Variants in SCCPDH observed in about 807,000 individuals in gnomAD.
SCCPDH encodes the protein saccharopine dehydrogenase-like oxidoreductase.
Under a neutral mutation model 51.5 loss-of-function variants are expected in SCCPDH, and 34 were observed. That is an observed-to-expected ratio of 0.66 (90% CI 0.50 to 0.88). The LOEUF (loss-of-function observed/expected upper bound fraction) is 0.88, where lower values mean the gene tolerates loss of function less well. SCCPDH is among the 40% of genes least tolerant of loss of function. The probability of loss-of-function intolerance (pLI) is 0.00; values close to 1 mark genes in which losing one functional copy is unlikely to be tolerated. For synonymous variants in SCCPDH, 187 were observed against 191.3 expected (o/e 0.98, Z 0.19); for missense variants, 464 against 527.1 (o/e 0.88, Z 1.17).
At chr1:246,743,890 GCCATAGCTACTTC>G (rs1668717627) in intron 4 of SCCPDH, among the ~76,000 whole-genome samples, 173 bp from the exon 5 acceptor site, 1 of 152,168 alleles carries the variant, frequency 6.6e-6, no homozygotes, top group Non-Finnish European at 1.5e-5. Context: ...GGTTTACCTG[GCCATAGCTACTTC>G]GTAAGTCTGT....
At chr1:246,753,514 G>A (rs1252677894) in intron 5 of SCCPDH, among the ~76,000 whole-genome samples, 1 of 152,044 alleles carries the variant, frequency 6.6e-6, no homozygotes, top group Non-Finnish European at 1.5e-5. Flanking sequence ...TACATAAAAT[G>A]TTTGGGTAAG....
At chr1:246,748,576 T>C (rs563703689) in intron 5 of SCCPDH, among the ~76,000 whole-genome samples, 43 of 152,332 alleles carry the variant, frequency 2.8e-4, no homozygotes, top group Admixed American at 1.5e-3. Context: ...GTGTAATTAC[T>C]AAACCACTGC....
chr1:246,751,179 G>A (rs1191745658), intron 5 of SCCPDH, among the ~76,000 whole-genome samples: 1 of 152,180 alleles, frequency 6.6e-6, no homozygotes, highest in Non-Finnish European at 1.5e-5. Flanking sequence ...TCAGCTAAAT[G>A]TCACCTTTCT....
Position 246,759,160 on chromosome 1 carries a change from A to G in SCCPDH, c.813+9A>G. 1 of 1,289,576 alleles carries G rather than the reference A, an allele frequency of 7.8e-7. No individual in the cohort carries two copies. The highest frequency in any genetic ancestry group is 1.2e-5 in the South Asian group (1 of 84,400). 79.9% of individuals were successfully genotyped at this position (1,289,576 alleles called of 1,614,324 possible). On this transcript the variant is annotated intron_variant, in intron 7 of 11. Coordinates refer to ENST00000366510, the MANE Select transcript of SCCPDH (RefSeq NM_016002.3). ...ATTTAGAGGAATCACCAGTAAGTAT[A>G]TATGGTTTATTTATCAATAAAGTGT...
intron 4 of SCCPDH, among the ~76,000 whole-genome samples, chr1:246,741,182 A>G (rs757713717): frequency 4.6e-5 from 7 of 152,210 alleles, no homozygotes; most frequent in Non-Finnish European, 1.0e-4. Flanking sequence ...AAAAAATTGG[A>G]AAATGTTCCA....
intron 2 of SCCPDH, among the ~76,000 whole-genome samples, chr1:246,729,413 C>CA (rs1412808306): frequency 1.3e-5 from 2 of 152,004 alleles, no homozygotes; most frequent in Admixed American, 6.6e-5. Flanking sequence ...GAGACCTCCC[C>CA]CTGGGAATGC....
intron 4 of SCCPDH, among the ~76,000 whole-genome samples, chr1:246,742,282 T>C (rs1172783901): frequency 1.3e-5 from 2 of 152,274 alleles, no homozygotes; most frequent in Non-Finnish European, 2.9e-5. Context: ...GTTTTCTTCA[T>C]GATAATCCTG....
At chr1:246,748,885 A>G (rs1219868879) in intron 5 of SCCPDH, among the ~76,000 whole-genome samples, 4 of 152,330 alleles carry the variant, frequency 2.6e-5, no homozygotes, top group African/African-American at 7.2e-5. Flanking sequence ...GTCCCCCGCA[A>G]TACCACCACG....
chr1:246,732,054 T>A (rs1558166735), intron 2 of SCCPDH, among the ~76,000 whole-genome samples: 1 of 151,344 alleles, frequency 6.6e-6, no homozygotes, highest in Non-Finnish European at 1.5e-5. Context: ...CATCCTTTTT[T>A]ATGCCTGTAT....
At chr1:246,734,613 T>A (rs538934835) in intron 2 of SCCPDH, among the ~76,000 whole-genome samples, 2 of 152,216 alleles carry the variant, frequency 1.3e-5, no homozygotes, top group South Asian at 4.2e-4. Context: ...TAGTAAGAGG[T>A]GTGAGGTCTT....
intron 9 of SCCPDH, among the ~76,000 whole-genome samples, chr1:246,763,976 C>T (rs1466470528): frequency 6.6e-6 from 1 of 151,938 alleles, no homozygotes; most frequent in Non-Finnish European, 1.5e-5. Context: ...ATATTCTGCC[C>T]CCCGATAAAA....
At chr1:246,738,342 C>T (rs1451313437) in intron 3 of SCCPDH, among the ~76,000 whole-genome samples, 2 of 151,890 alleles carry the variant, frequency 1.3e-5, no homozygotes, top group Non-Finnish European at 2.9e-5. Context: ...GAAACCCCAT[C>T]TCTATTAAAA....
chr1:246,730,851 G>T (rs1668481155), intron 2 of SCCPDH, among the ~76,000 whole-genome samples: 1 of 152,104 alleles, frequency 6.6e-6, no homozygotes, highest in Admixed American at 6.6e-5. Context: ...TTGAGGTCGG[G>T]AGTTTGAGAC....
chr1:246,736,557 C>T (rs1014704493), intron 3 of SCCPDH, among the ~76,000 whole-genome samples: 7 of 151,904 alleles, frequency 4.6e-5, no homozygotes, highest in African/African-American at 1.2e-4. Context: ...AAAAGTGAGC[C>T]GGGCATGGTG....
At chr1:246,732,063 A>G (rs1029840268) in intron 2 of SCCPDH, among the ~76,000 whole-genome samples, 2 of 151,036 alleles carry the variant, frequency 1.3e-5, no homozygotes, top group Non-Finnish European at 3.0e-5. Flanking sequence ...TTATGCCTGT[A>G]TAGTATTCCA....
At chr1:246,732,820 C>G (rs1668512182) in intron 2 of SCCPDH, among the ~76,000 whole-genome samples, 1 of 151,858 alleles carries the variant, frequency 6.6e-6, no homozygotes, top group Admixed American at 6.5e-5. Flanking sequence ...TCACAACTAC[C>G]CAGGGAAGTG....
intron 2 of SCCPDH, among the ~76,000 whole-genome samples, chr1:246,734,599 T>C (rs957532203): frequency 1.3e-5 from 2 of 152,174 alleles, no homozygotes; most frequent in Non-Finnish European, 2.9e-5. Context: ...TTATCCGCCA[T>C]TCTTAGTAAG....
At chr1:246,727,026 G>A (rs752116018) in intron 2 of SCCPDH, 22 bp downstream of exon 2, 17 of 1,453,920 alleles carry the variant, frequency 1.2e-5, no homozygotes, top group African/African-American at 1.4e-5. Context: ...ACCCTTCTTT[G>A]TATCAGAACA....
intron 1 of SCCPDH, among the ~76,000 whole-genome samples, chr1:246,726,407 T>C (rs1198695891): frequency 6.6e-6 from 1 of 152,082 alleles, no homozygotes; most frequent in Non-Finnish European, 1.5e-5. Flanking sequence ...GATAATTTTT[T>C]TTTTTTTTTT....
Sources: gnomAD v4.1 joint callset for allele counts (sites outside exome capture counted in the v4.1 genomes callset) on GRCh38, gnomAD v4.1.1 for gene constraint, MANE v1.5 for transcripts, NCBI Gene and HGNC (gene_info 2026-07-23, HGNC 2026-07-21) for gene names.